The following SLC9A9 variants were observed in gnomAD, a reference collection of about 807,000 sequenced individuals.
The protein encoded by SLC9A9 is sodium/hydrogen exchanger 9.
Under a neutral mutation model 77.8 loss-of-function variants are expected in SLC9A9, and 62 were observed. The observed-to-expected ratio is 0.80, with a 90% CI of 0.65 to 0.98. SLC9A9 has a LOEUF of 0.98. Ranked by LOEUF, SLC9A9 falls within the 50% of genes least tolerant of loss-of-function variation. The pLI is 0.00. For synonymous variants in SLC9A9, 320 were observed against 283.5 expected (o/e 1.13, Z -1.29); for missense variants, 775 against 774.9 (o/e 1.00, Z 0.00).
chr3:143,666,552 T>C (rs1200361782), intron 5 of SLC9A9, among the ~76,000 whole-genome samples: 2 of 152,218 alleles, frequency 1.3e-5, no homozygotes, highest in Non-Finnish European at 2.9e-5. Context: ...ATTGTCCCTG[T>C]TTGCAGATGA....
At chr3:143,414,911 T>A (rs2034163786) in intron 12 of SLC9A9, among the ~76,000 whole-genome samples, 1 of 152,140 alleles carries the variant, frequency 6.6e-6, no homozygotes, top group Non-Finnish European at 1.5e-5. Context: ...AGCCAAATTG[T>A]GAATGCAAAG....
chr3:143,411,896 G>A (rs990841411), intron 12 of SLC9A9, among the ~76,000 whole-genome samples: 2 of 152,068 alleles, frequency 1.3e-5, no homozygotes, highest in Non-Finnish European at 2.9e-5. Context: ...GAGGTATGCC[G>A]GTAACTATTC....
At chr3:143,599,934 T>G (rs1262901216) in intron 6 of SLC9A9, among the ~76,000 whole-genome samples, 1 of 151,998 alleles carries the variant, frequency 6.6e-6, no homozygotes, top group East Asian at 1.9e-4. Flanking sequence ...ATAAAGCAAC[T>G]AAACAGTCAC....
chr3:143,640,419 AT>A (rs1427043000), intron 6 of SLC9A9, among the ~76,000 whole-genome samples: 2 of 152,180 alleles, frequency 1.3e-5, no homozygotes, highest in Non-Finnish European at 2.9e-5. Flanking sequence ...ATGGCTGGCT[AT>A]ATTGGGCCCA....
chr3:143,747,087 C>T (rs1396128124), intron 4 of SLC9A9, among the ~76,000 whole-genome samples: 4 of 152,060 alleles, frequency 2.6e-5, no homozygotes, highest in Non-Finnish European at 4.4e-5. Flanking sequence ...CCCTGGAACC[C>T]ATAAATGTTA....
intron 14 of SLC9A9, among the ~76,000 whole-genome samples, chr3:143,302,947 C>A (rs2030595119): frequency 6.6e-6 from 1 of 152,198 alleles, no homozygotes; most frequent in Admixed American, 6.5e-5. Context: ...CAGTTAAGCC[C>A]CAGACATGCA....
chr3:143,278,872 G>A (rs952439446), intron 14 of SLC9A9, among the ~76,000 whole-genome samples: 1 of 152,122 alleles, frequency 6.6e-6, no homozygotes, highest in Admixed American at 6.6e-5. Context: ...GCAGTTAAAA[G>A]ACAAGCTGAG....
intron 8 of SLC9A9, among the ~76,000 whole-genome samples, chr3:143,567,072 C>A (rs918141636): frequency 1.6e-4 from 25 of 152,058 alleles, no homozygotes; most frequent in Middle Eastern, 3.2e-3. Flanking sequence ...CAGGCCTCTG[C>A]ACAAGAAAAA....
chr3:143,374,262 G>C (rs1359419389), intron 13 of SLC9A9, among the ~76,000 whole-genome samples: 3 of 151,446 alleles, frequency 2.0e-5, no homozygotes, highest in Non-Finnish European at 4.4e-5. Context: ...CGTCTGTACT[G>C]AAAATATAAA....
At chr3:143,375,145 C>T (rs115009662) in intron 13 of SLC9A9, among the ~76,000 whole-genome samples, 2,543 of 152,280 alleles carry the variant, frequency 0.017, 32 homozygotes, top group South Asian at 0.072. Flanking sequence ...CAAGTACACA[C>T]GGAATATTCA....
At chr3:143,828,678 G>A (rs2009361346) in intron 2 of SLC9A9, among the ~76,000 whole-genome samples, 1 of 152,234 alleles carries the variant, frequency 6.6e-6, no homozygotes, top group African/African-American at 2.4e-5. Context: ...CAAAACTCTA[G>A]TAATGTGAAG....
chr3:143,770,631 T>C (rs1054536367), intron 4 of SLC9A9, among the ~76,000 whole-genome samples: 1 of 152,158 alleles, frequency 6.6e-6, no homozygotes, highest in African/African-American at 2.4e-5. Context: ...AAGAGGAAGA[T>C]GTTTAATTTT....
chr3:143,269,616 G>C (rs141093768), intron 14 of SLC9A9, among the ~76,000 whole-genome samples: 70 of 152,236 alleles, frequency 4.6e-4, no homozygotes, highest in African/African-American at 1.6e-3. Context: ...TTCATCTAAA[G>C]CCATTGTTTC....
intron 15 of SLC9A9, 114 bp from the exon 16 acceptor site, chr3:143,267,043 C>T: frequency 1.1e-6 from 1 of 941,110 alleles, no homozygotes; most frequent in Non-Finnish European, 1.7e-6. Context: ...TCTGTAACTG[C>T]CCTGTCTGGC....
At chr3:143,532,664 A>G (rs969409997) in intron 9 of SLC9A9, among the ~76,000 whole-genome samples, 1 of 152,206 alleles carries the variant, frequency 6.6e-6, no homozygotes, top group Non-Finnish European at 1.5e-5. Flanking sequence ...TCTGGTCCTC[A>G]GTTTTCAAAC....
chr3:143,362,656 C>T (rs186575313), intron 14 of SLC9A9, among the ~76,000 whole-genome samples: 1 of 152,334 alleles, frequency 6.6e-6, no homozygotes, highest in African/African-American at 2.4e-5. Flanking sequence ...CATCCACTGA[C>T]TGACACTTTC....
Position 143,265,824 on chromosome 3 carries a change from G to C in SLC9A9, c.*878C>G. Reference sequence around the variant, plus strand: ...AATTGGAGGACAGGTTGGGGCTCCTGCACAGTCTGCTGCCAGGTAGAGAGC... The same window carrying C: ...AATTGGAGGACAGGTTGGGGCTCCTCCACAGTCTGCTGCCAGGTAGAGAGC... On this transcript the variant is annotated 3_prime_UTR_variant, in exon 16 of 16. Transcript: ENST00000316549. 1.7e-6 allele frequency: 1 copy of C among 586,058 alleles called. No homozygotes were observed. The allele number at this position is 586,058 out of a possible 1,614,324, so 36.3% of individuals were successfully genotyped here.
At chr3:143,734,204 A>G (rs1576689814) in intron 4 of SLC9A9, among the ~76,000 whole-genome samples, 1 of 151,498 alleles carries the variant, frequency 6.6e-6, no homozygotes, top group East Asian at 1.9e-4. Context: ...TGTAAAGAAA[A>G]TAATAATAAA....
chr3:143,469,103 T>C (rs1212382765), intron 11 of SLC9A9, among the ~76,000 whole-genome samples: 3 of 152,184 alleles, frequency 2.0e-5, no homozygotes, highest in Non-Finnish European at 4.4e-5. Flanking sequence ...GAGGTTGCAG[T>C]GAGCTGAGAT....
Sources: gnomAD v4.1 joint callset for allele counts (sites outside exome capture counted in the v4.1 genomes callset) on GRCh38, gnomAD v4.1.1 for gene constraint, MANE v1.5 for transcripts, NCBI Gene and HGNC (gene_info 2026-07-23, HGNC 2026-07-21) for gene names.